GHR: variants seen among roughly 807,000 people sequenced by gnomAD.
GHR encodes GH receptor.
Under a neutral mutation model 67.1 loss-of-function variants are expected in GHR, and 35 were observed. The observed-to-expected ratio is 0.52, with a 90% CI of 0.40 to 0.69. The LOEUF is 0.69. GHR is among the 30% of genes least tolerant of loss of function. The probability of loss-of-function intolerance (pLI) is 0.00; values close to 1 mark genes in which losing one functional copy is unlikely to be tolerated. For missense variants in GHR, 792 were observed against 764.6 expected (o/e 1.04, Z -0.42); for synonymous variants, 272 against 269.1 (o/e 1.01, Z -0.10).
Position 42,698,594 on chromosome 5 carries a change from C to T in GHR, c.440-1230C>T, listed in dbSNP as rs1447427328. 2.2e-4 allele frequency among the ~76,000 whole-genome samples: 33 copies of T among 152,158 alleles called. 1 individual carries two copies. The highest frequency in any genetic ancestry group is 2.1e-3 in the Admixed American group (32 of 15,276). On this transcript the variant is annotated intron_variant, in intron 5 of 9. Coordinates refer to ENST00000230882, the MANE Select transcript of GHR (RefSeq NM_000163.5). ...GTGTCGACCCCACAGAGGGCAACAG[C>T]ATGCTCCTCCACCATAAGGCCTGTT...
intron 1 of GHR, chr5:42,565,628 T>C: frequency 1.0e-6 from 1 of 985,232 alleles, no homozygotes; most frequent in Non-Finnish European, 1.2e-6. Context: ...ATCTCTAGTG[T>C]TCATGTTATT....
At chr5:42,647,317 G>C (rs1222764364) in intron 3 of GHR, among the ~76,000 whole-genome samples, 1 of 152,034 alleles carries the variant, frequency 6.6e-6, no homozygotes. Flanking sequence ...GCTCACACCT[G>C]TAATCCCAGC....
At chr5:42,572,705 A>T (rs1040679200) in intron 2 of GHR, among the ~76,000 whole-genome samples, 2 of 152,302 alleles carry the variant, frequency 1.3e-5, no homozygotes, top group Admixed American at 1.3e-4. Context: ...TGTTTATATA[A>T]CAATTTAACT....
chr5:42,645,224 C>A (rs371683533), intron 3 of GHR, among the ~76,000 whole-genome samples: 1 of 152,176 alleles, frequency 6.6e-6, no homozygotes. Context: ...CAAGGTCATT[C>A]TTGAAATCAA....
chr5:42,538,737 G>A (rs1748374648), intron 1 of GHR, among the ~76,000 whole-genome samples: 1 of 152,066 alleles, frequency 6.6e-6, no homozygotes, highest in Non-Finnish European at 1.5e-5. Flanking sequence ...GCAAGGCTGG[G>A]GAAGTTTTCC....
rs1279658606 is a variant in GHR, at chr5:42,661,249, A to G, written c.137-27641A>G. On this transcript the variant is annotated intron_variant, in intron 3 of 9. Coordinates refer to ENST00000230882, the MANE Select transcript of GHR (RefSeq NM_000163.5). ...CCAACATTCAGATTCAGGAAATACA[A>G]AGAACGCCACAAAGATATTCCTCGA... Among the ~76,000 whole-genome samples, 4 of 152,142 alleles carry G rather than the reference A, an allele frequency of 2.6e-5. No individual in the cohort carries two copies. The East Asian group carries it at 5.8e-4, about 22-fold the overall frequency.
At chr5:42,709,888 T>C (rs1162006228) in intron 6 of GHR, among the ~76,000 whole-genome samples, 1 of 152,064 alleles carries the variant, frequency 6.6e-6, no homozygotes, top group Non-Finnish European at 1.5e-5. Flanking sequence ...AATCTGAGTT[T>C]GGTGTGGCTG....
At chr5:42,680,902 A>T (rs1317427230) in intron 3 of GHR, among the ~76,000 whole-genome samples, 3 of 152,006 alleles carry the variant, frequency 2.0e-5, no homozygotes, top group Non-Finnish European at 2.9e-5. Flanking sequence ...CAACGTGCAG[A>T]TTTGTTACAT....
At chr5:42,496,878 G>A (rs1746342391) in intron 1 of GHR, among the ~76,000 whole-genome samples, 1 of 152,104 alleles carries the variant, frequency 6.6e-6, no homozygotes, top group African/African-American at 2.4e-5. Flanking sequence ...CTTTCACAAG[G>A]CTGGAACTAG....
At position 42,619,675 on chromosome 5, in the gene GHR, G is replaced by C. The variant is rs937133486; in HGVS notation, c.71-9363G>C. On this transcript the variant is annotated intron_variant, in intron 2 of 9. Transcript: ENST00000230882. ...AGCTCTGAAATACCTACTTCCAAGA[G>C]AACGAAATTTATTCAAGAAATGTTG... The C allele has an allele frequency of 2.0e-5, 3 of 152,226 alleles. No homozygotes were observed. In the East Asian group the frequency reaches 5.8e-4, roughly 29 times the overall value. The allele number at this position is 152,226 out of a possible 1,614,324, so 9.4% of individuals were successfully genotyped here.
intron 2 of GHR, among the ~76,000 whole-genome samples, chr5:42,612,656 G>A (rs1752946949): frequency 6.6e-6 from 1 of 152,072 alleles, no homozygotes; most frequent in Non-Finnish European, 1.5e-5. Context: ...GAAACAAAGA[G>A]TATAAACAAA....
At chr5:42,630,311 G>C (rs539304393) in intron 3 of GHR, among the ~76,000 whole-genome samples, 1 of 131,768 alleles carries the variant, frequency 7.6e-6, no homozygotes, top group South Asian at 2.4e-4. Flanking sequence ...TTTTAGGGAT[G>C]GATATTTTTC....
chr5:42,636,815 A>G (rs2112773240), intron 3 of GHR, among the ~76,000 whole-genome samples: 1 of 152,334 alleles, frequency 6.6e-6, no homozygotes, highest in Middle Eastern at 3.4e-3. Context: ...TTACCATTAA[A>G]TAGTAGTTCA....
intron 3 of GHR, among the ~76,000 whole-genome samples, chr5:42,648,027 A>G (rs1218917728): frequency 6.6e-6 from 1 of 152,202 alleles, no homozygotes; most frequent in Non-Finnish European, 1.5e-5. Context: ...ATTTTTTTAA[A>G]AAATTTTTAA....
At chr5:42,664,033 C>T (rs992879359) in intron 3 of GHR, among the ~76,000 whole-genome samples, 1 of 152,118 alleles carries the variant, frequency 6.6e-6, no homozygotes, top group African/African-American at 2.4e-5. Context: ...ATCCAACTTA[C>T]AAGGGACATG....
At chr5:42,522,268 A>C (rs1034800471) in intron 1 of GHR, among the ~76,000 whole-genome samples, 1 of 152,198 alleles carries the variant, frequency 6.6e-6, no homozygotes, top group African/African-American at 2.4e-5. Flanking sequence ...ATATATCAAA[A>C]AAATTTTTCT....
chr5:42,618,359 T>C (rs756727083), intron 2 of GHR, among the ~76,000 whole-genome samples: 1 of 152,172 alleles, frequency 6.6e-6, no homozygotes, highest in Non-Finnish European at 1.5e-5. Context: ...TTTTACTACA[T>C]ACAAAAGTGA....
intron 3 of GHR, among the ~76,000 whole-genome samples, chr5:42,653,713 A>G (rs1362710428): frequency 6.6e-6 from 1 of 152,134 alleles, no homozygotes; most frequent in Non-Finnish European, 1.5e-5. Context: ...TTGCTTCTTG[A>G]ATCAGTGCTA....
intron 1 of GHR, among the ~76,000 whole-genome samples, chr5:42,502,078 T>C (rs2112233957): frequency 6.6e-6 from 1 of 152,088 alleles, no homozygotes; most frequent in East Asian, 1.9e-4. Flanking sequence ...AAAAACTCCG[T>C]GGGTGGGAGT....
Sources: allele counts gnomAD v4.1 joint callset (sites outside exome capture counted in the v4.1 genomes callset), GRCh38; gene constraint gnomAD v4.1.1; transcripts MANE v1.5; gene names NCBI Gene and HGNC (gene_info 2026-07-23, HGNC 2026-07-21).